Variants in DCHS2 observed in about 807,000 individuals in gnomAD.
The protein encoded by DCHS2 is protocadherin-23.
Under a neutral mutation model 182.4 loss-of-function variants are expected in DCHS2, and 142 were observed. The observed-to-expected ratio is 0.78, with a 90% CI of 0.68 to 0.89. DCHS2 has a LOEUF of 0.89. Ranked by LOEUF, DCHS2 falls within the 40% of genes least tolerant of loss-of-function variation. The pLI is 0.00. For missense variants in DCHS2, 4,319 were observed against 4,198.6 expected (o/e 1.03, Z -0.79); for synonymous variants, 1,740 against 1,663.3 (o/e 1.05, Z -1.12).
rs546938531 is a variant in DCHS2, at chr4:154,279,231, G to C, written c.6464-9218C>G. 2.0e-5 allele frequency among the ~76,000 whole-genome samples: 3 copies of C among 151,550 alleles called. No homozygotes were observed. In the East Asian group the frequency reaches 5.8e-4, roughly 29 times the overall value. ...AGTAACCACAAAGAAAATATGTATA[G>C]AAGAAACACAAAAGGAAATAAAAAA... On this transcript the variant is annotated intron_variant, in intron 13 of 19. Coordinates refer to ENST00000357232, the MANE Select transcript of DCHS2 (RefSeq NM_001358235.2).
chr4:154,291,500 T>G (rs1397835405), intron 13 of DCHS2, among the ~76,000 whole-genome samples: 1 of 152,180 alleles, frequency 6.6e-6, no homozygotes, highest in Non-Finnish European at 1.5e-5. Flanking sequence ...ACTTCTATGT[T>G]TATTGCAGCA....
rs371646071 is a variant in DCHS2, at chr4:154,234,472, T to C, written c.*64A>G. On this transcript the variant is annotated 3_prime_UTR_variant, in exon 20 of 20. Coordinates refer to ENST00000357232, the MANE Select transcript of DCHS2 (RefSeq NM_001358235.2). ...ATGAGCCCAATCTCGAGTTGCTGGC[T>C]TGAAAACATTTTGTTCATTCATTCA... is the stretch of plus-strand genomic sequence containing the variant. The C allele has an allele frequency of 8.1e-5, 118 of 1,456,762 alleles. No individual in the cohort carries two copies. Among genetic ancestry groups the C allele is most frequent in the Admixed American group, 1.6e-4 (6 of 37,200 alleles). 90.2% of individuals were successfully genotyped at this position (1,456,762 alleles called of 1,614,324 possible).
At chr4:154,321,577 A>T (rs567285514) in intron 8 of DCHS2, among the ~76,000 whole-genome samples, 1 of 152,296 alleles carries the variant, frequency 6.6e-6, no homozygotes, top group Admixed American at 6.5e-5. Context: ...CTACAGACTG[A>T]TCTATCCATA....
chr4:154,385,695 C>G (rs895972742), intron 1 of DCHS2, among the ~76,000 whole-genome samples: 2 of 151,930 alleles, frequency 1.3e-5, no homozygotes, highest in Non-Finnish European at 2.9e-5. Flanking sequence ...GGTTTCACCA[C>G]GTTGGCCAGG....
chr4:154,356,138 A>G (rs1729852180), intron 3 of DCHS2, among the ~76,000 whole-genome samples: 1 of 152,090 alleles, frequency 6.6e-6, no homozygotes, highest in Admixed American at 6.6e-5. Flanking sequence ...GAGGTGGAAG[A>G]CAGTGGTATT....
chr4:154,375,883 TA>T lies in DCHS2; in HGVS notation c.2244+1369del, dbSNP rs1320032915. On this transcript the variant is annotated intron_variant, in intron 2 of 19. Transcript: ENST00000357232. ...ATTATTGTATATTCACATAAAGGCA[TA>T]CTATAAGCCAATGAGAATGAGTGAA... 6.6e-5 allele frequency among the ~76,000 whole-genome samples: 10 copies of T among 152,294 alleles called. No individual in the cohort carries two copies. In the East Asian group the frequency reaches 1.9e-3, roughly 29 times the overall value.
In DCHS2 at chr4:154,417,204, TGAGAGAGAGAGA is replaced by T. The variant is rs70947163; in HGVS notation, c.2053-39772_2053-39761del. Among the ~76,000 whole-genome samples the T allele has an allele frequency of 6.7e-3, 263 of 39,500 alleles. 1 individual carries two copies. The highest frequency in any genetic ancestry group is 0.029 in the East Asian group (17 of 596). The allele number at this position is 39,500 out of a possible 152,430, so 25.9% of individuals were successfully genotyped here. On this transcript the variant is annotated intron_variant, in intron 1 of 19. Transcript: ENST00000357232. ...GTGTGTGTGTGTGTGTGTGTGTGTG[TGAGAGAGAGAGA>T]GAGAGAGAGAGAGAGAGAGAGAGAG...
chr4:154,427,598 T>C (rs570556881), intron 1 of DCHS2, among the ~76,000 whole-genome samples: 1 of 152,238 alleles, frequency 6.6e-6, no homozygotes, highest in Non-Finnish European at 1.5e-5. Context: ...GTTTTTCTTT[T>C]AACAGAGGTA....
At chr4:154,485,165 A>AG (rs1018813484) in intron 1 of DCHS2, among the ~76,000 whole-genome samples, 2 of 152,134 alleles carry the variant, frequency 1.3e-5, no homozygotes, top group African/African-American at 4.8e-5. Context: ...GCAAGGAGTG[A>AG]GGGGAAGACA....
At chr4:154,430,281 C>T (rs917585722) in intron 1 of DCHS2, among the ~76,000 whole-genome samples, 1 of 152,144 alleles carries the variant, frequency 6.6e-6, no homozygotes, top group African/African-American at 2.4e-5. Context: ...TTAGGCCATA[C>T]CCTACAGCCA....
At chr4:154,344,739 G>A (rs769331415) in intron 3 of DCHS2, among the ~76,000 whole-genome samples, 44 of 152,268 alleles carry the variant, frequency 2.9e-4, no homozygotes, top group Non-Finnish European at 5.6e-4. Flanking sequence ...AGGCGGTGCC[G>A]CAGGGCTAGC....
chr4:154,485,961 C>T (rs1158719010), intron 1 of DCHS2, among the ~76,000 whole-genome samples: 5 of 152,128 alleles, frequency 3.3e-5, no homozygotes, highest in African/African-American at 1.2e-4. Context: ...TCAGGCCAAA[C>T]ATGAGAACTG....
At chr4:154,461,265 C>A (rs1037253793) in intron 1 of DCHS2, among the ~76,000 whole-genome samples, 1 of 152,150 alleles carries the variant, frequency 6.6e-6, no homozygotes, top group Admixed American at 6.5e-5. Context: ...TATGAAATAT[C>A]ATTTCTGTTT....
intron 1 of DCHS2, among the ~76,000 whole-genome samples, chr4:154,380,213 T>C (rs888645896): frequency 6.6e-6 from 1 of 152,126 alleles, no homozygotes; most frequent in African/African-American, 2.4e-5. Context: ...AGCCTTTAAA[T>C]TTATCTTTTC....
At chr4:154,360,833 C>T (rs1245167776) in intron 3 of DCHS2, among the ~76,000 whole-genome samples, 2 of 152,088 alleles carry the variant, frequency 1.3e-5, no homozygotes, top group Non-Finnish European at 1.5e-5. Flanking sequence ...CTTTCAATTA[C>T]TTGTTTTTCT....
chr4:154,395,351 C>T (rs1731884112), intron 1 of DCHS2, among the ~76,000 whole-genome samples: 1 of 152,114 alleles, frequency 6.6e-6, no homozygotes, highest in African/African-American at 2.4e-5. Context: ...CTGCAGTGAC[C>T]ATGCACACAC....
chr4:154,310,637 G>A (rs530089666), intron 10 of DCHS2, among the ~76,000 whole-genome samples: 50 of 152,286 alleles, frequency 3.3e-4, no homozygotes, highest in African/African-American at 1.1e-3. Context: ...TCTGTAGACT[G>A]GGGATGGATC....
At position 154,234,905 on chromosome 4, in the gene DCHS2, T is replaced by C; in HGVS notation, c.9747A>G (p.Ser3249=). 6.2e-7 allele frequency: 1 copy of C among 1,614,046 alleles called. No homozygotes were observed. Among genetic ancestry groups the C allele is most frequent in the Non-Finnish European group, 8.5e-7 (1 of 1,179,942 alleles). Residue 3249 remains serine, a synonymous_variant, in exon 20 of 20, where the codon TCA becomes TCG. Transcript: ENST00000357232. The stretch of plus-strand genomic sequence containing the variant: ...TTAGTTTTGCAATATCATTAAATAC[T>C]GAGGCAAGAGGTTGGAATTTGGGCT... ...SWEPKFQPLA[S]VFNDIAKLKD...
Position 154,333,460 on chromosome 4 carries a change from A to G in DCHS2, c.2748T>C (p.Ser916=), listed in dbSNP as rs1286504323. The change falls in exon 5 of 20, where the codon TCT becomes TCC. Residue 916 remains serine (S), a synonymous_variant. Coordinates refer to ENST00000357232, the MANE Select transcript of DCHS2 (RefSeq NM_001358235.2). ...SSEPIFYRIS[S]GDLGGKFSIH... ...TGGAGAACTTTCCGCCGAGATCACC[A>G]GAAGAAATCCTGTAAAAGATTGGTT... 6.2e-7 allele frequency: 1 copy of G among 1,613,680 alleles called. No individual in the cohort carries two copies. Among genetic ancestry groups the G allele is most frequent in the Non-Finnish European group, 8.5e-7 (1 of 1,179,854 alleles).
Sources: allele counts gnomAD v4.1 joint callset (sites outside exome capture counted in the v4.1 genomes callset), GRCh38; gene constraint gnomAD v4.1.1; transcripts MANE v1.5; gene names NCBI Gene and HGNC (gene_info 2026-07-23, HGNC 2026-07-21).